Variants in ANKAR observed in about 807,000 individuals in gnomAD.
ANKAR encodes ankyrin and armadillo repeat-containing protein.
A neutral mutation model predicts 146.2 loss-of-function variants in ANKAR; 136 were observed. The observed-to-expected ratio is 0.93, with a 90% confidence interval of 0.81 to 1.07. ANKAR has a LOEUF of 1.07. ANKAR is among the 50% of genes least tolerant of loss of function. The pLI, the probability that ANKAR is intolerant of heterozygous loss-of-function variation, is 0.00. For missense variants in ANKAR, 1,567 were observed against 1,679.9 expected, an observed-to-expected ratio of 0.93 and a Z score of 1.18; for synonymous variants, 500 against 575.8, an observed-to-expected ratio of 0.87 and a Z score of 1.88.
chr2:189,728,602 G>A, intron 14 of ANKAR, 58 bp from the exon 15 acceptor site: 9 of 1,574,176 alleles, frequency 5.7e-6, no homozygotes, highest in Non-Finnish European at 7.8e-6. Flanking sequence ...CGTGTCCTCT[G>A]CATAATGTAG....
chr2:189,734,228 A>T (rs1425471429), intron 17 of ANKAR, among the ~76,000 whole-genome samples: 1 of 152,188 alleles, frequency 6.6e-6, no homozygotes, highest in Non-Finnish European at 1.5e-5. Context: ...TGTAGTTAAT[A>T]AGTATCTTAA....
intron 20 of ANKAR, 95 bp downstream of exon 20, chr2:189,741,546 G>A: frequency 1.4e-6 from 1 of 732,960 alleles, no homozygotes; most frequent in Non-Finnish European, 2.2e-6. Context: ...GATTGACTGT[G>A]TTATAGATAT....
At chr2:189,727,407 C>T (rs1262137879) in intron 12 of ANKAR, among the ~76,000 whole-genome samples, 2 of 151,240 alleles carry the variant, frequency 1.3e-5, no homozygotes, top group Admixed American at 6.6e-5. Flanking sequence ...TGGTGGTGCA[C>T]ACCTGTAGTC....
chr2:189,684,190 C>A (rs145791167), intron 2 of ANKAR, among the ~76,000 whole-genome samples: 3 of 151,922 alleles, frequency 2.0e-5, no homozygotes, highest in Admixed American at 2.0e-4. Context: ...TTATCACAAG[C>A]GAGTAATGTG....
chr2:189,689,536 A>C lies in ANKAR; in HGVS notation c.611A>C (p.Asp204Ala). ...FSEFSSAGLT[D>A]ITKDPDFNEI... ...CTTTTTTATCATGAAGGTTTGACTG[A>C]TATTACAAAGGATCCAGACTTTAAT... is the stretch of plus-strand genomic sequence containing the variant. Residue 204 changes from aspartate (D) to alanine (A), a missense_variant, in exon 3 of 23, where the codon GAT (aspartate) becomes GCT (alanine). Physicochemically the swap from Asp to Ala is moderately radical, Grantham distance 126 (BLOSUM62 -2). Coordinates refer to ENST00000684021, the MANE Select transcript of ANKAR (RefSeq NM_001378068.1). The C allele has an allele frequency of 1.3e-6, 2 of 1,573,348 alleles. No individual in the cohort carries two copies. Among genetic ancestry groups the C allele is most frequent in the Non-Finnish European group, 1.7e-6 (2 of 1,164,108 alleles).
chr2:189,728,840 A>C lies in ANKAR; in HGVS notation c.3193+19A>C. 6.3e-7 allele frequency: 1 copy of C among 1,596,396 alleles called. No individual in the cohort carries two copies. Among genetic ancestry groups the C allele is most frequent in the Non-Finnish European group, 8.6e-7 (1 of 1,168,906 alleles). On this transcript the variant is annotated intron_variant, in intron 15 of 22. Coordinates refer to ENST00000684021, the MANE Select transcript of ANKAR (RefSeq NM_001378068.1). ...TGTATTGGTTTGTATACTTATTCTC[A>C]ATTTCTTAAATATCTGTAAGAACAA... is the stretch of plus-strand genomic sequence containing the variant.
At chr2:189,734,766 C>T (rs561560239) in intron 17 of ANKAR, among the ~76,000 whole-genome samples, 1 of 151,950 alleles carries the variant, frequency 6.6e-6, no homozygotes, top group Non-Finnish European at 1.5e-5. Flanking sequence ...GAGTTCGAGA[C>T]CAGCCTTGCC....
At chr2:189,698,298 G>A (rs996379124) in intron 7 of ANKAR, among the ~76,000 whole-genome samples, 13 of 151,816 alleles carry the variant, frequency 8.6e-5, no homozygotes, top group African/African-American at 3.1e-4. Context: ...TTCCTCTTCA[G>A]TTTGGGGAGT....
At chr2:189,743,623 G>A in intron 21 of ANKAR, 149 bp downstream of exon 21, 1 of 760,300 alleles carries the variant, frequency 1.3e-6, no homozygotes, top group Non-Finnish European at 2.1e-6. Context: ...AATGACCACT[G>A]CCACAACCTG....
intron 18 of ANKAR, 110 bp downstream of exon 18, chr2:189,737,951 T>C: frequency 9.2e-7 from 1 of 1,092,884 alleles, no homozygotes; most frequent in African/African-American, 1.6e-5. Flanking sequence ...TTGTAAAAAC[T>C]TAGTACTTTG....
At chr2:189,750,753 C>T, downstream of ANKAR, 6 of 827,626 alleles carry the variant, frequency 7.2e-6, no homozygotes, top group Non-Finnish European at 1.1e-5. Context: ...GTATAAATAT[C>T]AAATATTTAA....
At chr2:189,732,244 A>G (rs2042473263) in intron 16 of ANKAR, among the ~76,000 whole-genome samples, 1 of 152,188 alleles carries the variant, frequency 6.6e-6, no homozygotes, top group South Asian at 2.1e-4. Context: ...CTGAGTCCCA[A>G]TAATATGCAA....
At chr2:189,747,057 T>C (rs1240051777), downstream of ANKAR, 2 of 154,564 alleles carry the variant, frequency 1.3e-5, no homozygotes, top group East Asian at 1.9e-4. Flanking sequence ...ACATTTTGGC[T>C]AGGCATGGTG....
chr2:189,702,529 A>G (rs1280199630), intron 7 of ANKAR, among the ~76,000 whole-genome samples: 1 of 152,076 alleles, frequency 6.6e-6, no homozygotes, highest in Non-Finnish European at 1.5e-5. Flanking sequence ...TGTCTCTCCA[A>G]TTTTGAGGGT....
At chr2:189,704,612 G>A (rs1247712644) in intron 7 of ANKAR, among the ~76,000 whole-genome samples, 2 of 104,600 alleles carry the variant, frequency 1.9e-5, no homozygotes, top group Non-Finnish European at 3.7e-5. Context: ...TAATTTCAAA[G>A]GATCTTATCT....
chr2:189,714,117 TCTTAGAGA>T (rs2040088418), intron 10 of ANKAR, among the ~76,000 whole-genome samples: 1 of 152,112 alleles, frequency 6.6e-6, no homozygotes, highest in Non-Finnish European at 1.5e-5. Context: ...TAAAGCAAGT[TCTTAGAGA>T]CTTACAAAGA....
chr2:189,705,324 T>C, intron 8 of ANKAR, 100 bp downstream of exon 8: 1 of 1,257,406 alleles, frequency 8.0e-7, no homozygotes, highest in Non-Finnish European at 1.1e-6. Flanking sequence ...TTTCTGCTTT[T>C]CATGGCTTGC....
rs562033603 is a variant in ANKAR, at chr2:189,744,372, G to A, written c.4011-370G>A. Among the ~76,000 whole-genome samples the A allele has an allele frequency of 5.3e-5, 8 of 152,272 alleles. 1 individual carries two copies. In the East Asian group the frequency reaches 1.5e-3, roughly 29 times the overall value. On this transcript the variant is annotated intron_variant, in intron 21 of 22. Coordinates refer to ENST00000684021, the MANE Select transcript of ANKAR (RefSeq NM_001378068.1). ...GGTTCAAGGAATTAAGATAAATAAT[G>A]TAAGTAGTATTTTACACAGTCACTC...
rs190206015 is a variant in ANKAR at position 189,711,621 on chromosome 2, G to A, written c.2224+468G>A. On this transcript the variant is annotated intron_variant, in intron 10 of 22. Coordinates refer to ENST00000684021, the MANE Select transcript of ANKAR (RefSeq NM_001378068.1). ...ACTCACTAATAAAATGGCTCTACTG[G>A]GGTCCGTTCCAAGATGGCCAAATAG... is the stretch of plus-strand genomic sequence containing the variant. Among the ~76,000 whole-genome samples, 8 of 152,178 alleles carry A rather than the reference G, an allele frequency of 5.3e-5. 1 individual carries two copies. The East Asian group carries it at 1.5e-3, about 29-fold the overall frequency.
Sources: gnomAD v4.1 joint callset for allele counts (sites outside exome capture counted in the v4.1 genomes callset) on GRCh38, gnomAD v4.1.1 for gene constraint, MANE v1.5 for transcripts, NCBI Gene and HGNC (gene_info 2026-07-23, HGNC 2026-07-21) for gene names.